Variants in SMPD3 observed in about 807,000 individuals in gnomAD.
SMPD3 encodes sphingomyelin phosphodiesterase 3, also known as nSMase-2.
SMPD3 carries 21 observed loss-of-function variants against 55.7 expected under a neutral mutation model. The observed-to-expected ratio is 0.38, with a 90% CI of 0.27 to 0.54. The LOEUF is 0.54. SMPD3 is among the 20% of genes least tolerant of loss of function. The pLI is 0.80. For missense variants in SMPD3, 842 were observed against 899.6 expected, an observed-to-expected ratio of 0.94 and a Z score of 0.82; for synonymous variants, 457 against 404.3, an observed-to-expected ratio of 1.13 and a Z score of -1.56.
intron 8 of SMPD3, 53 bp downstream of exon 8, chr16:68,361,550 C>G (rs544159614): frequency 2.5e-6 from 4 of 1,592,866 alleles, no homozygotes; most frequent in Non-Finnish European, 2.6e-6. Context: ...CTGCAGGGCC[C>G]GGGCCCTGCT....
chr16:68,363,833 G>A lies in SMPD3; in HGVS notation c.1589C>T (p.Thr530Ile). Reference sequence around the variant, plus strand: ...CAGGCGGCAGGGGTCCCTGTAGTGGGTGAACAGGGAGTGTTGCTGCTCCAG... The same window carrying A: ...CAGGCGGCAGGGGTCCCTGTAGTGGATGAACAGGGAGTGTTGCTGCTCCAG... The part of the protein sequence containing the change: ...DKLEQQHSLF[T>I]HYRDPCRLGP... Residue 530 changes from threonine to isoleucine, a missense_variant, in exon 6 of 9, where the codon ACC (threonine) becomes ATC (isoleucine). Around this residue, in one of 2 missense-constraint regions of SMPD3, gnomAD observed 649 missense variants for 643.6 expected, o/e 1.01. Coordinates refer to ENST00000219334, the MANE Select transcript of SMPD3 (RefSeq NM_018667.4). The A allele has an allele frequency of 6.4e-7, 1 of 1,570,608 alleles. No homozygotes were observed. Among genetic ancestry groups the A allele is most frequent in the African/African-American group, 1.3e-5 (1 of 74,286 alleles).
In SMPD3 at chr16:68,365,070, T is replaced by G; in HGVS notation, c.1346A>C (p.Gln449Pro). Reference protein sequence around the residue: ...FLKVQVGSTPQDQRIVGYIAC... With the variant: ...FLKVQVGSTPPDQRIVGYIAC... ...GATGTACCCGACGATTCTTTGGTCC[T>G]GAGGTGTGCTTCCCACCTGCACCTG... is the stretch of plus-strand genomic sequence containing the variant. Residue 449 changes from glutamine (Q) to proline (P), a missense_variant, in exon 4 of 9, where the codon CAG becomes CCG. Around this residue, in one of 2 missense-constraint regions of SMPD3, gnomAD observed 649 missense variants for 643.6 expected, o/e 1.01. Transcript: ENST00000219334. 1 of 1,614,076 alleles carries G rather than the reference T, an allele frequency of 6.2e-7. No homozygotes were observed. Among genetic ancestry groups the G allele is most frequent in the Non-Finnish European group, 8.5e-7 (1 of 1,179,988 alleles).
At chr16:68,427,858 G>A (rs967990813) in intron 1 of SMPD3, among the ~76,000 whole-genome samples, 1 of 152,246 alleles carries the variant, frequency 6.6e-6, no homozygotes, top group Admixed American at 6.5e-5. Context: ...CAGAGGGGAC[G>A]GGAGGAGCTT....
chr16:68,426,018 G>C (rs954426903), intron 1 of SMPD3, among the ~76,000 whole-genome samples: 7 of 152,192 alleles, frequency 4.6e-5, no homozygotes, highest in Non-Finnish European at 1.0e-4. Context: ...TAGTGCTGAT[G>C]ATGGGCTAGA....
In SMPD3 at chr16:68,372,182, C is replaced by G. The variant is rs537269520; in HGVS notation, c.-1G>C. 5 of 1,611,176 alleles carry G rather than the reference C, an allele frequency of 3.1e-6. No homozygotes were observed. Among genetic ancestry groups the G allele is most frequent in the Non-Finnish European group, 4.2e-6 (5 of 1,179,102 alleles). On this transcript the variant is annotated 5_prime_UTR_variant, in exon 3 of 9. Transcript: ENST00000219334. ...GAAAGGGGGTCGTGTACAAAACCAT[C>G]GCAGCTCACTGGGCGCCGCAGCCGG...
chr16:68,380,991 G>A (rs998072719), intron 2 of SMPD3, among the ~76,000 whole-genome samples: 1 of 152,218 alleles, frequency 6.6e-6, no homozygotes, highest in African/African-American at 2.4e-5. Context: ...TCTTCGGAAG[G>A]GAATCATTTC....
chr16:68,446,354 C>T (rs1223658170), intron 1 of SMPD3, among the ~76,000 whole-genome samples: 1 of 152,116 alleles, frequency 6.6e-6, no homozygotes, highest in Non-Finnish European at 1.5e-5. Flanking sequence ...CAACCTGAAG[C>T]TACCTTCACC....
intron 2 of SMPD3, among the ~76,000 whole-genome samples, chr16:68,375,210 C>T (rs2089780344): frequency 6.7e-6 from 1 of 150,372 alleles, no homozygotes; most frequent in Non-Finnish European, 1.5e-5. Context: ...CTCTCTCTCC[C>T]TTTGGTGGTC....
At chr16:68,380,099 T>A (rs2089914814) in intron 2 of SMPD3, among the ~76,000 whole-genome samples, 2 of 152,186 alleles carry the variant, frequency 1.3e-5, no homozygotes, top group African/African-American at 4.8e-5. Context: ...CAAAGTCATC[T>A]ATTAGTGACC....
At chr16:68,444,096 T>C in intron 1 of SMPD3, among the ~76,000 whole-genome samples, 1 of 152,238 alleles carries the variant, frequency 6.6e-6, no homozygotes, top group East Asian at 1.9e-4. Flanking sequence ...TTCGAAGTAA[T>C]GCAGTAATAT....
intron 1 of SMPD3, among the ~76,000 whole-genome samples, chr16:68,420,490 C>T (rs1273135960): frequency 6.6e-6 from 1 of 152,180 alleles, no homozygotes; most frequent in Non-Finnish European, 1.5e-5. Flanking sequence ...AGGGATGCTT[C>T]ACCATTACCT....
In SMPD3 at chr16:68,371,669, G is replaced by A. The variant is rs142905882; in HGVS notation, c.513C>T (p.Ile171=). Reference sequence around the variant, plus strand: ...TGATGGAGGTATTGGTGGGGGAGTCGATGTAAATTTTGATCTGGGGCCGGG... The same window carrying A: ...TGATGGAGGTATTGGTGGGGGAGTCAATGTAAATTTTGATCTGGGGCCGGG... ...GAARPQIKIY[I]DSPTNTSISA... Residue 171 remains isoleucine (I), a synonymous_variant, in exon 3 of 9, where the codon ATC becomes ATT. Transcript: ENST00000219334. 84 of 1,567,206 alleles carry A rather than the reference G, an allele frequency of 5.4e-5. No individual in the cohort carries two copies. Among genetic ancestry groups the A allele is most frequent in the African/African-American group, 1.6e-4 (12 of 73,182 alleles).
intron 2 of SMPD3, among the ~76,000 whole-genome samples, chr16:68,374,949 G>T (rs1371951194): frequency 6.6e-6 from 1 of 152,184 alleles, no homozygotes; most frequent in Non-Finnish European, 1.5e-5. Flanking sequence ...CCTGCAGTTG[G>T]CACTAAGGCC....
chr16:68,445,601 AGT>A (rs893163269), intron 1 of SMPD3, among the ~76,000 whole-genome samples: 5 of 152,078 alleles, frequency 3.3e-5, no homozygotes, highest in Admixed American at 3.3e-4. Context: ...ACCATGGGGG[AGT>A]GTTAGTTGCC....
chr16:68,372,565 C>T (rs749726268), intron 2 of SMPD3, among the ~76,000 whole-genome samples, 178 bp from the exon 3 acceptor site: 16 of 152,238 alleles, frequency 1.1e-4, no homozygotes, highest in South Asian at 2.1e-4. Context: ...CCCCGCACAC[C>T]GCTTCCTCCA....
chr16:68,431,352 T>C (rs2090478076), intron 1 of SMPD3, among the ~76,000 whole-genome samples: 2 of 152,188 alleles, frequency 1.3e-5, no homozygotes, highest in South Asian at 4.1e-4. Context: ...AAAATAAAAG[T>C]AAAGAGTCTA....
In SMPD3 at chr16:68,393,909, T is replaced by A. The variant is rs1567798374; in HGVS notation, c.-268-7250A>T. 2.0e-5 allele frequency among the ~76,000 whole-genome samples: 3 copies of A among 152,302 alleles called. No individual in the cohort carries two copies. The South Asian group carries it at 6.2e-4, about 32-fold the overall frequency. On this transcript the variant is annotated intron_variant, in intron 1 of 8. Coordinates refer to ENST00000219334, the MANE Select transcript of SMPD3 (RefSeq NM_018667.4). ...AACTGATGTGGTTAGAATCTACTTG[T>A]GCAGTCAGAATTGCACAGTTTTTTG...
chr16:68,398,241 C>T (rs1032222030), intron 1 of SMPD3, among the ~76,000 whole-genome samples: 1 of 152,294 alleles, frequency 6.6e-6, no homozygotes, highest in East Asian at 1.9e-4. Flanking sequence ...AAAAAGAGCA[C>T]TTGGGAAGGG....
At chr16:68,426,991 C>CTTTTTT (rs56214206) in intron 1 of SMPD3, among the ~76,000 whole-genome samples, 3 of 112,122 alleles carry the variant, frequency 2.7e-5, no homozygotes, top group African/African-American at 3.6e-5. Flanking sequence ...TCAGGTCTAT[C>CTTTTTT]TTTTTTTTTT....
Sources: gnomAD v4.1 joint callset for allele counts (sites outside exome capture counted in the v4.1 genomes callset) on GRCh38, gnomAD v4.1.1 for gene constraint, gnomAD v4.1.1 regional missense constraint, MANE v1.5 for transcripts, NCBI Gene and HGNC (gene_info 2026-07-23, HGNC 2026-07-21) for gene names.